Variants in AGBL3 observed in about 807,000 individuals in gnomAD.
AGBL3 encodes AGBL carboxypeptidase 3, also known as cytosolic carboxypeptidase 3.
AGBL3 carries 68 observed loss-of-function variants against 94.5 expected under a neutral mutation model. The observed-to-expected ratio is 0.72, with a 90% confidence interval of 0.59 to 0.88. The LOEUF (loss-of-function observed/expected upper bound fraction) is 0.88. Among genes scored for constraint, AGBL3 ranks in the 40% least tolerant of loss-of-function variants. The pLI, the probability that AGBL3 is intolerant of heterozygous loss-of-function variation, is 0.00. For missense variants in AGBL3, 934 were observed against 1,103.8 expected, an observed-to-expected ratio of 0.85 and a Z score of 2.18; for synonymous variants, 354 against 370.7, an observed-to-expected ratio of 0.95 and a Z score of 0.52.
intron 11 of AGBL3, among the ~76,000 whole-genome samples, chr7:135,050,826 G>C (rs779885725): frequency 1.3e-5 from 2 of 151,950 alleles, no homozygotes; most frequent in Non-Finnish European, 2.9e-5. Context: ...GTATCTTGTA[G>C]ATAGATTGTA....
intron 16 of AGBL3, 57 bp downstream of exon 16, chr7:135,115,668 C>G: frequency 7.5e-7 from 1 of 1,338,602 alleles, no homozygotes; most frequent in Non-Finnish European, 1.0e-6. Context: ...TTTAAAAAAG[C>G]AGGGCTTATT....
rs190748048 is a variant in AGBL3, at chr7:135,040,970, C to T, written c.1501-3055C>T. ...AAGATCAACCCACAAAAAACAATTG[C>T]ATTTCTGTATACTCACAATGAAAAA... is the stretch of plus-strand genomic sequence containing the variant. On this transcript the variant is annotated intron_variant, in intron 8 of 16. Transcript: ENST00000436302. 1.0e-3 allele frequency among the ~76,000 whole-genome samples: 157 copies of T among 151,784 alleles called. 1 individual carries two copies. Among genetic ancestry groups the T allele is most frequent in the Non-Finnish European group, 1.9e-3 (129 of 67,922 alleles).
chr7:134,989,413 T>C, intron 3 of AGBL3, 103 bp downstream of exon 3: 1 of 799,712 alleles, frequency 1.3e-6, no homozygotes, highest in South Asian at 1.9e-5. Flanking sequence ...TAGGGAATGA[T>C]TATTCTAGTA....
chr7:135,058,104 A>C (rs1292640170), intron 11 of AGBL3, among the ~76,000 whole-genome samples: 1 of 152,192 alleles, frequency 6.6e-6, no homozygotes, highest in Non-Finnish European at 1.5e-5. Context: ...AGTGTTGTTT[A>C]ATCAATTGTA....
intron 4 of AGBL3, among the ~76,000 whole-genome samples, chr7:135,001,738 A>C (rs147170277): frequency 6.6e-6 from 1 of 152,272 alleles, no homozygotes; most frequent in East Asian, 1.9e-4. Flanking sequence ...GGAAACCCTG[A>C]AGCTAGTGTC....
intron 11 of AGBL3, among the ~76,000 whole-genome samples, chr7:135,056,526 ACC>A: frequency 6.6e-6 from 1 of 152,076 alleles, no homozygotes. Flanking sequence ...TTTTTTAAAA[ACC>A]TGAAACTAAT....
At chr7:135,075,207 TACCC>T (rs945440403) in intron 12 of AGBL3, among the ~76,000 whole-genome samples, 5 of 152,156 alleles carry the variant, frequency 3.3e-5, no homozygotes, top group African/African-American at 1.2e-4. Flanking sequence ...CTTAAAGCCA[TACCC>T]ACTCCCTCCT....
rs925400979 is a variant in AGBL3, at chr7:135,067,207, C to T, written c.1908+7972C>T. ...CTGGGGGACGGGCACCCACCATTGC[C>T]GAGGCTTGAGTAGGTAAACAAAGCG... is the stretch of plus-strand genomic sequence containing the variant. On this transcript the variant is annotated intron_variant, in intron 12 of 16. Transcript: ENST00000436302. 7.2e-5 allele frequency among the ~76,000 whole-genome samples: 11 copies of T among 152,278 alleles called. No individual in the cohort carries two copies. The East Asian group carries it at 1.3e-3, about 19-fold the overall frequency.
intron 15 of AGBL3, among the ~76,000 whole-genome samples, chr7:135,108,304 AG>A (rs1272606044): frequency 6.6e-6 from 1 of 152,070 alleles, no homozygotes; most frequent in Non-Finnish European, 1.5e-5. Context: ...ATTGCTTTAT[AG>A]TGTCACTGGT....
chr7:135,081,832 A>G (rs913466926), intron 15 of AGBL3, 42 bp downstream of exon 15: 5 of 1,227,288 alleles, frequency 4.1e-6, no homozygotes, highest in Non-Finnish European at 5.7e-6. Flanking sequence ...GTGGTCCCCT[A>G]TGATCTGAAT....
chr7:135,124,420 G>C (rs1298944039), intron 16 of AGBL3, among the ~76,000 whole-genome samples: 1 of 152,164 alleles, frequency 6.6e-6, no homozygotes, highest in Non-Finnish European at 1.5e-5. Context: ...GACCCAAAAA[G>C]AGACAGACTC....
intron 16 of AGBL3, among the ~76,000 whole-genome samples, chr7:135,117,476 T>C (rs1826486698): frequency 6.6e-6 from 1 of 152,220 alleles, no homozygotes; most frequent in African/African-American, 2.4e-5. Context: ...ATTAGACCAA[T>C]GTCTAAAATG....
chr7:135,056,211 T>G (rs1466133412), intron 11 of AGBL3, among the ~76,000 whole-genome samples: 2 of 152,132 alleles, frequency 1.3e-5, no homozygotes, highest in African/African-American at 4.8e-5. Flanking sequence ...AGCAGCAGCA[T>G]TGTGTTCATT....
chr7:135,062,184 G>T (rs867307425), intron 12 of AGBL3, among the ~76,000 whole-genome samples: 7 of 151,562 alleles, frequency 4.6e-5, no homozygotes, highest in Non-Finnish European at 7.4e-5. Context: ...TTTCTTTTTT[G>T]ATTTTTAGAT....
intron 8 of AGBL3, among the ~76,000 whole-genome samples, chr7:135,038,006 C>T (rs1176934794): frequency 6.6e-6 from 1 of 151,612 alleles, no homozygotes; most frequent in Non-Finnish European, 1.5e-5. Flanking sequence ...AAAACTTAAT[C>T]CAATAACCAA....
intron 11 of AGBL3, chr7:135,050,969 T>G (rs1817821620): frequency 2.5e-6 from 1 of 404,576 alleles, no homozygotes; most frequent in Non-Finnish European, 4.8e-6. Context: ...GTCTTACAGT[T>G]TTTTTCTCTT....
intron 4 of AGBL3, among the ~76,000 whole-genome samples, chr7:135,007,210 C>A (rs937548773): frequency 4.0e-4 from 60 of 151,836 alleles, no homozygotes; most frequent in African/African-American, 1.4e-3. Context: ...CAGTATTACT[C>A]TGATAACAAA....
At chr7:135,123,234 A>G (rs180887950) in intron 16 of AGBL3, among the ~76,000 whole-genome samples, 25 of 152,312 alleles carry the variant, frequency 1.6e-4, no homozygotes, top group African/African-American at 5.5e-4. Context: ...CAGCACAAGA[A>G]CCTTGTGAAG....
At chr7:135,123,804 G>A (rs939493683) in intron 16 of AGBL3, among the ~76,000 whole-genome samples, 4 of 152,056 alleles carry the variant, frequency 2.6e-5, no homozygotes, top group African/African-American at 9.7e-5. Flanking sequence ...ATCTTCATAA[G>A]CAAAGGATAA....
Sources: gnomAD v4.1 joint callset for allele counts (sites outside exome capture counted in the v4.1 genomes callset) on GRCh38, gnomAD v4.1.1 for gene constraint, MANE v1.5 for transcripts, NCBI Gene and HGNC (gene_info 2026-07-23, HGNC 2026-07-21) for gene names.